CCDC80: variants seen among roughly 807,000 people sequenced by gnomAD.
CCDC80 encodes the protein coiled-coil domain containing 80, also known as coiled-coil domain-containing protein 80.
In CCDC80, 49 loss-of-function variants were observed where a neutral mutation model predicts 78.7. The observed-to-expected ratio is 0.62, with a 90% CI of 0.50 to 0.79. The LOEUF is 0.79. Among genes scored for constraint, CCDC80 ranks in the 30% least tolerant of loss-of-function variants. CCDC80 has a pLI of 0.00. For synonymous variants in CCDC80, 488 were observed against 447.0 expected, an observed-to-expected ratio of 1.09 and a Z score of -1.16; for missense variants, 1,205 against 1,198.6, an observed-to-expected ratio of 1.01 and a Z score of -0.08.
intron 4 of CCDC80, among the ~76,000 whole-genome samples, chr3:112,618,515 A>G (rs1468191722): frequency 6.6e-6 from 1 of 151,550 alleles, no homozygotes; most frequent in Non-Finnish European, 1.5e-5. Flanking sequence ...CAACAGGGTG[A>G]GACTCCGTCT....
At chr3:112,611,130 G>T (rs938867200) in intron 5 of CCDC80, among the ~76,000 whole-genome samples, 3 of 152,056 alleles carry the variant, frequency 2.0e-5, no homozygotes, top group African/African-American at 7.2e-5. Context: ...AGCCAGGATG[G>T]TCTCGATCTC....
intron 3 of CCDC80, among the ~76,000 whole-genome samples, chr3:112,620,627 G>A (rs1935846161): frequency 6.6e-6 from 1 of 152,012 alleles, no homozygotes; most frequent in South Asian, 2.1e-4. Context: ...AAAGTCCACA[G>A]GAAAAGGTGA....
At chr3:112,610,558 G>T (rs1232588392) in intron 5 of CCDC80, among the ~76,000 whole-genome samples, 2 of 152,202 alleles carry the variant, frequency 1.3e-5, no homozygotes, top group East Asian at 1.9e-4. Context: ...GTAGATTACA[G>T]TGACAGGAAA....
chr3:112,606,702 G>A (rs577229001), intron 7 of CCDC80, among the ~76,000 whole-genome samples: 1 of 152,318 alleles, frequency 6.6e-6, no homozygotes, highest in East Asian at 1.9e-4. Context: ...TAGGATTACA[G>A]ACGTGAGCCA....
At chr3:112,618,935 T>C (rs2107480540) in intron 4 of CCDC80, 33 bp downstream of exon 4, 1 of 1,596,786 alleles carries the variant, frequency 6.3e-7, no homozygotes, top group Middle Eastern at 1.7e-4. Context: ...TTCTAAGAAA[T>C]AGTACTACAT....
chr3:112,629,320 C>A (rs1174700630), intron 3 of CCDC80, among the ~76,000 whole-genome samples: 2 of 148,808 alleles, frequency 1.3e-5, no homozygotes, highest in African/African-American at 2.5e-5. Context: ...AACAACAAAA[C>A]AGTAGAAAGT....
Position 112,638,150 on chromosome 3 carries a change from T to C in CCDC80, c.1756A>G (p.Lys586Glu), listed in dbSNP as rs1936249972. The C allele has an allele frequency of 8.1e-6, 13 of 1,614,170 alleles. No homozygotes were observed. Among genetic ancestry groups the C allele is most frequent in the Non-Finnish European group, 1.0e-5 (12 of 1,180,014 alleles). ...TCCTGTTCTGTTTTACCTCCTTTTT[T>C]CTTCTTGCTCTTCTCTTTCTCTTGC... ...SKQEKEKSKK[K>E]KGGKTEQDGY... Residue 586 changes from lysine (K) to glutamate (E), a missense_variant, in exon 2 of 8, where the codon AAA (lysine) becomes GAA (glutamate). Coordinates refer to ENST00000206423, the MANE Select transcript of CCDC80 (RefSeq NM_199511.3).
chr3:112,618,452 G>T (rs1430791102), intron 4 of CCDC80, among the ~76,000 whole-genome samples: 2 of 152,030 alleles, frequency 1.3e-5, no homozygotes, highest in Non-Finnish European at 2.9e-5. Context: ...GCGTGAACCT[G>T]GGGGGTGGAG....
intron 3 of CCDC80, among the ~76,000 whole-genome samples, chr3:112,625,918 C>T (rs1190089116): frequency 6.6e-6 from 1 of 151,872 alleles, no homozygotes; most frequent in Non-Finnish European, 1.5e-5. Flanking sequence ...ATTATTCTAT[C>T]AAAAGAAAAA....
At chr3:112,634,164 A>G (rs943220803) in intron 2 of CCDC80, among the ~76,000 whole-genome samples, 1 of 152,194 alleles carries the variant, frequency 6.6e-6, no homozygotes, top group African/African-American at 2.4e-5. Flanking sequence ...ATTCTGAAAA[A>G]TAACTTTCAA....
chr3:112,618,751 T>C (rs1041821554), intron 4 of CCDC80, among the ~76,000 whole-genome samples: 1 of 152,228 alleles, frequency 6.6e-6, no homozygotes, highest in Non-Finnish European at 1.5e-5. Flanking sequence ...GTCAAGTAGC[T>C]GGGCTGTGGG....
At position 112,605,454 on chromosome 3, in the gene CCDC80, CGGTAGTCATCCT is replaced by C; in HGVS notation, c.2804_2815del (p.Gln935_Tyr938del). The C allele has an allele frequency of 1.2e-6, 2 of 1,613,948 alleles. No homozygotes were observed. Among genetic ancestry groups the C allele is most frequent in the Non-Finnish European group, 1.7e-6 (2 of 1,179,902 alleles). ...TCCATGGTGATAACTCTCATGATGA[CGGTAGTCATCCT>C]GGTAACCATCCTGGTATCCTTGGTG... On this transcript the variant is annotated inframe_deletion, in exon 8 of 8. Coordinates refer to ENST00000206423, the MANE Select transcript of CCDC80 (RefSeq NM_199511.3).
intron 5 of CCDC80, among the ~76,000 whole-genome samples, chr3:112,614,054 C>A (rs1018161547): frequency 1.3e-5 from 2 of 152,006 alleles, no homozygotes; most frequent in South Asian, 4.1e-4. Flanking sequence ...TCTGAGAGAA[C>A]GTTAGATTCA....
Position 112,630,259 on chromosome 3 carries a change from G to A in CCDC80, c.1889C>T (p.Ala630Val), listed in dbSNP as rs1282810775. The A allele has an allele frequency of 2.5e-6, 4 of 1,613,594 alleles. No individual in the cohort carries two copies. The Admixed American group carries it at 6.7e-5, about 27-fold the overall frequency. Residue 630 changes from alanine (A) to valine (V), a missense_variant, in exon 3 of 8, where the codon GCT becomes GTT. Coordinates refer to ENST00000206423, the MANE Select transcript of CCDC80 (RefSeq NM_199511.3). ...ATACATATTGTTCTCAGCCTTGGGA[G>A]CAGTGATCAGCTGGAGGTGGGTGAA... ...EGKRRLLLIT[A>V]PKAENNMYVQ...
intron 5 of CCDC80, among the ~76,000 whole-genome samples, chr3:112,615,734 C>T (rs753583558): frequency 6.6e-6 from 1 of 152,116 alleles, no homozygotes; most frequent in Non-Finnish European, 1.5e-5. Context: ...CCAAAATCCA[C>T]CAAAATCAAA....
chr3:112,621,628 T>C (rs1262274309), intron 3 of CCDC80, among the ~76,000 whole-genome samples: 1 of 152,156 alleles, frequency 6.6e-6, no homozygotes, highest in Non-Finnish European at 1.5e-5. Flanking sequence ...CACCATCACA[T>C]TATTAAGGTT....
At chr3:112,612,013 G>A (rs1442372934) in intron 5 of CCDC80, among the ~76,000 whole-genome samples, 1 of 149,188 alleles carries the variant, frequency 6.7e-6, no homozygotes, top group Non-Finnish European at 1.5e-5. Flanking sequence ...AGTATTGCTT[G>A]CTGTGACATT....
At chr3:112,611,270 T>C (rs1182084889) in intron 5 of CCDC80, among the ~76,000 whole-genome samples, 1 of 152,172 alleles carries the variant, frequency 6.6e-6, no homozygotes, top group African/African-American at 2.4e-5. Context: ...GTTACAAAAA[T>C]TAGACTCTCA....
At position 112,640,482 on chromosome 3, in the gene CCDC80, T is replaced by C. The variant is rs1314270251; in HGVS notation, c.-167A>G. On this transcript the variant is annotated 5_prime_UTR_variant, in exon 1 of 8. Coordinates refer to ENST00000206423, the MANE Select transcript of CCDC80 (RefSeq NM_199511.3). Reference sequence around the variant, plus strand: ...AAGGGGTGTGCTGCAGCTCCAGCTTTCAGAGTACCGCCACAGATCCACAGC... The same window carrying C: ...AAGGGGTGTGCTGCAGCTCCAGCTTCCAGAGTACCGCCACAGATCCACAGC... The C allele has an allele frequency of 1.3e-5, 2 of 155,310 alleles. No homozygotes were observed. Among genetic ancestry groups the C allele is most frequent in the African/African-American group, 2.4e-5 (1 of 41,446 alleles). The allele number at this position is 155,310 out of a possible 1,614,324, so 9.6% of individuals were successfully genotyped here.
Sources: allele counts gnomAD v4.1 joint callset (sites outside exome capture counted in the v4.1 genomes callset), GRCh38; gene constraint gnomAD v4.1.1; transcripts MANE v1.5; gene names NCBI Gene and HGNC (gene_info 2026-07-23, HGNC 2026-07-21).